The following LHX3 variants were observed in gnomAD, a reference collection of about 807,000 sequenced individuals.
LHX3 encodes LIM/homeobox protein Lhx3.
LHX3 carries 21 observed loss-of-function variants against 32.4 expected under a neutral mutation model. The ratio of observed to expected loss-of-function variants is 0.65; its 90% CI spans 0.46 to 0.93. LHX3 has a LOEUF of 0.93. Ranked by LOEUF, LHX3 falls within the 40% of genes least tolerant of loss-of-function variation. LHX3 has a pLI of 0.00. For missense variants in LHX3, 626 were observed against 560.0 expected, an observed-to-expected ratio of 1.12 and a Z score of -1.19; for synonymous variants, 258 against 246.8, an observed-to-expected ratio of 1.05 and a Z score of -0.43.
In LHX3 at chr9:136,199,898, C is replaced by T. The variant is rs1466838219; in HGVS notation, c.252-18G>A. ...CGAAGCGCCTGCGGGACGCACAGGG[C>T]CGGGCTCAGCGCGGAAGCGCGAGGC... On this transcript the variant is annotated intron_variant, in intron 2 of 5. Coordinates refer to ENST00000371748, the MANE Select transcript of LHX3 (RefSeq NM_178138.6). The T allele has an allele frequency of 3.2e-6, 5 of 1,566,860 alleles. No individual in the cohort carries two copies. The highest frequency in any genetic ancestry group is 4.8e-5 in the East Asian group (2 of 41,962).
At chr9:136,199,573 A>T in intron 3 of LHX3, 105 bp downstream of exon 3, 2 of 1,239,428 alleles carry the variant, frequency 1.6e-6, no homozygotes, top group Non-Finnish European at 2.3e-6. Context: ...AGGCCCCCTT[A>T]GTGAGCGCTT....
Position 136,204,427 on chromosome 9 carries a change from G to A in LHX3, c.79+507C>T, listed in dbSNP as rs1831711183. Among the ~76,000 whole-genome samples the A allele has an allele frequency of 2.0e-5, 3 of 152,242 alleles. No homozygotes were observed. The East Asian group carries it at 5.8e-4, about 29-fold the overall frequency. On this transcript the variant is annotated intron_variant, in intron 1 of 5. Transcript: ENST00000371748. ...ATCAGGGGTCGTGTGTGGCAGGACT[G>A]GGGAAGGGGCGGCGGCAGGTTAAGG...
At position 136,197,722 on chromosome 9, in the gene LHX3, A is replaced by G; in HGVS notation, c.797T>C (p.Met266Thr). The change falls in exon 6 of 6, where the codon ATG becomes ACG. Residue 266 changes from methionine to threonine, a missense_variant. By Grantham distance (81) the Met-to-Thr change is moderately conservative. Transcript: ENST00000371748. ...SFPDEPSLAE[M>T]GPANGLYGSL... is the part of the protein sequence containing the mutation. ...CCCGTAGAGGCCATTGGCCGGGCCC[A>G]TTTCCGCCAAGGAAGGCTCATCTGC... 2 of 1,603,624 alleles carry G rather than the reference A, an allele frequency of 1.2e-6. No homozygotes were observed. The highest frequency in any genetic ancestry group is 1.7e-6 in the Non-Finnish European group (2 of 1,179,792).
chr9:136,202,904 C>T, intron 1 of LHX3: 3 of 1,528,080 alleles, frequency 2.0e-6, no homozygotes, highest in Non-Finnish European at 2.6e-6. Context: ...GCCTGAGGAT[C>T]TCCTGGTCTC....
At chr9:136,198,625 C>CG (rs762392581) in intron 5 of LHX3, 27 bp downstream of exon 5, 16 of 1,559,510 alleles carry the variant, frequency 1.0e-5, no homozygotes, top group African/African-American at 4.1e-5. Context: ...CTCGTCCCCC[C>CG]CCGAGCTCCG....
chr9:136,200,113 AC>A, intron 2 of LHX3: 1 of 653,598 alleles, frequency 1.5e-6, no homozygotes, highest in Non-Finnish European at 2.8e-6. Context: ...TGCCTGCAGG[AC>A]CCATGCTGGA....
chr9:136,200,548 C>T (rs199845228), intron 2 of LHX3, 34 bp downstream of exon 2: 54 of 1,608,720 alleles, frequency 3.4e-5, no homozygotes, highest in Non-Finnish European at 4.3e-5. Context: ...GCGTGCCCTC[C>T]GCTCCCACAC....
At chr9:136,198,396 G>T (rs181563310) in intron 5 of LHX3, among the ~76,000 whole-genome samples, 1 of 152,240 alleles carries the variant, frequency 6.6e-6, no homozygotes, top group African/African-American at 2.4e-5. Context: ...GAGAAAGCCC[G>T]TAGGCGCCCA....
intron 4 of LHX3, 31 bp from the exon 5 acceptor site, chr9:136,198,851 G>T (rs1279953510): frequency 6.3e-7 from 1 of 1,595,914 alleles, no homozygotes; most frequent in Non-Finnish European, 8.5e-7. Flanking sequence ...GCGGCCGCCC[G>T]GCTCTGCGGG....
rs566131162 is a variant in LHX3, at chr9:136,197,681, T to G, written c.838A>C (p.Thr280Pro). The G allele has an allele frequency of 5.0e-6, 8 of 1,606,562 alleles. No homozygotes were observed. Among genetic ancestry groups the G allele is most frequent in the Non-Finnish European group, 8.5e-7 (1 of 1,179,170 alleles). The change falls in exon 6 of 6, where the codon ACC (threonine) becomes CCC (proline). Residue 280 changes from threonine to proline, a missense_variant. Thr to Pro is a conservative substitution (Grantham distance 38, BLOSUM62 -1). Coordinates refer to ENST00000371748, the MANE Select transcript of LHX3 (RefSeq NM_178138.6). ...CCCGAGGGCCGGCCCAAGGCCTGGG[T>G]GGGTTCCCCCAAGCTCCCGTAGAGG... is the stretch of plus-strand genomic sequence containing the variant. ...NGLYGSLGEP[T>P]QALGRPSGAL...
intron 1 of LHX3, chr9:136,201,680 A>G: frequency 3.0e-6 from 3 of 988,374 alleles, no homozygotes; most frequent in Non-Finnish European, 3.6e-6. Flanking sequence ...CCAGTGGGTG[A>G]GAGACACCAG....
rs1172031538 is a variant in LHX3 at position 136,198,948 on chromosome 9, T to C, written c.566A>G (p.Gln189Arg). Residue 189 changes from glutamine (Q) to arginine (R), a missense_variant, in exon 4 of 6, where the codon CAG becomes CGG. By Grantham distance (43) the Gln-to-Arg change is conservative. Coordinates refer to ENST00000371748, the MANE Select transcript of LHX3 (RefSeq NM_178138.6). ...GTCCAGGCCCGTCTCGGACGAGAGC[T>C]GCTCGCGCACGTGGCGCGCCGGCTT... ...SPKPARHVRE[Q>R]LSSETGLDMR... 9 of 1,588,324 alleles carry C rather than the reference T, an allele frequency of 5.7e-6. No homozygotes were observed. Among genetic ancestry groups the C allele is most frequent in the Non-Finnish European group, 7.7e-6 (9 of 1,171,566 alleles).
At chr9:136,200,088 G>T in intron 2 of LHX3, 1 of 684,116 alleles carries the variant, frequency 1.5e-6, no homozygotes, top group South Asian at 1.6e-5. Flanking sequence ...AGACCTCGGG[G>T]AGCCCAGCCG....
chr9:136,201,707 C>A (rs1414434438), intron 1 of LHX3: 30 of 986,468 alleles, frequency 3.0e-5, no homozygotes, highest in Non-Finnish European at 3.4e-5. Flanking sequence ...GCTCCCTCGA[C>A]CTCCGGCGGA....
Position 136,197,272 on chromosome 9 carries a change from C to T in LHX3, c.*53G>A. 1.3e-6 allele frequency: 2 copies of T among 1,597,070 alleles called. No individual in the cohort carries two copies. The highest frequency in any genetic ancestry group is 1.7e-6 in the Non-Finnish European group (2 of 1,169,018). On this transcript the variant is annotated 3_prime_UTR_variant, in exon 6 of 6. Coordinates refer to ENST00000371748, the MANE Select transcript of LHX3 (RefSeq NM_178138.6). ...CGGAAACCCCAGCAGCCCCGAGCCG[C>T]CCACCCAGGGGCAGCTCCCTCGTGT...
chr9:136,198,627 C>CT (rs397709542), intron 5 of LHX3, 25 bp downstream of exon 5: 129 of 1,560,922 alleles, frequency 8.3e-5, no homozygotes, highest in Non-Finnish European at 1.1e-4. Context: ...CGTCCCCCCC[C>CT]GAGCTCCGCG....
intron 2 of LHX3, 106 bp downstream of exon 2, chr9:136,200,476 G>A (rs748827907): frequency 1.2e-5 from 16 of 1,295,594 alleles, no homozygotes; most frequent in Admixed American, 2.0e-5. Context: ...CTGGGATTGC[G>A]AGAGACGCAG....
At chr9:136,204,344 C>T (rs1007033312) in intron 1 of LHX3, among the ~76,000 whole-genome samples, 1 of 152,196 alleles carries the variant, frequency 6.6e-6, no homozygotes, top group Non-Finnish European at 1.5e-5. Context: ...GGTGCAAAGC[C>T]GAGTGTGTGC....
Position 136,199,600 on chromosome 9 carries a change from C to T in LHX3, c.454+78G>A, listed in dbSNP as rs1011822244. The T allele has an allele frequency of 4.7e-6, 7 of 1,483,536 alleles. No individual in the cohort carries two copies. In the South Asian group the frequency reaches 6.8e-5, roughly 14 times the overall value. 91.9% of individuals were successfully genotyped at this position (1,483,536 alleles called of 1,614,324 possible). On this transcript the variant is annotated intron_variant, in intron 3 of 5. Transcript: ENST00000371748. ...TGAGCGCTTGGGGAGAGAATTTCCC[C>T]GGACGCCCCCCTGGGCGTGGCCTCA...
Sources: gnomAD v4.1 joint callset for allele counts (sites outside exome capture counted in the v4.1 genomes callset) on GRCh38, gnomAD v4.1.1 for gene constraint, MANE v1.5 for transcripts, NCBI Gene and HGNC (gene_info 2026-07-23, HGNC 2026-07-21) for gene names.